The following CDC42BPA variants were observed in gnomAD, a reference collection of about 807,000 sequenced individuals.
CDC42BPA encodes serine/threonine-protein kinase MRCK alpha.
In CDC42BPA, 80 loss-of-function variants were observed where a neutral mutation model predicts 223.5. That is an observed-to-expected ratio of 0.36 (90% confidence interval 0.30 to 0.43). The LOEUF (loss-of-function observed/expected upper bound fraction) is 0.43, where lower values mean the gene tolerates loss of function less well. Among genes scored for constraint, CDC42BPA ranks in the 20% least tolerant of loss-of-function variants. CDC42BPA has a pLI of 1.00. For missense variants in CDC42BPA, 1,743 were observed against 2,099.9 expected (o/e 0.83, Z 3.32); for synonymous variants, 694 against 718.6 (o/e 0.97, Z 0.55).
chr1:227,070,727 T>C lies in CDC42BPA; in HGVS notation c.2828-874A>G, dbSNP rs963745713. 1.9e-4 allele frequency among the ~76,000 whole-genome samples: 29 copies of C among 151,844 alleles called. 1 individual carries two copies. Among genetic ancestry groups the C allele is most frequent in the Non-Finnish European group, 1.2e-4 (8 of 67,756 alleles). ...AACATCCTTGCCCTCATACTGTAAA[T>C]ATCACATTATATTACTGAAGTAGTA... On this transcript the variant is annotated intron_variant, in intron 20 of 36. Transcript: ENST00000366766.
chr1:227,244,500 G>GGGC (rs1680573684), intron 2 of CDC42BPA, among the ~76,000 whole-genome samples: 2 of 150,472 alleles, frequency 1.3e-5, no homozygotes, highest in Admixed American at 1.3e-4. Flanking sequence ...ATGGTGGGGG[G>GGGC]GGGCAATGGG....
chr1:227,102,942 C>CT (rs1208246436), intron 14 of CDC42BPA, among the ~76,000 whole-genome samples: 5 of 151,976 alleles, frequency 3.3e-5, no homozygotes, highest in African/African-American at 1.2e-4. Context: ...AAATACTACT[C>CT]TAAGTCCCAC....
intron 2 of CDC42BPA, chr1:227,234,233 CCTGCAGATAAA>C (rs1348836038): frequency 6.6e-6 from 1 of 152,030 alleles, no homozygotes; most frequent in Non-Finnish European, 1.5e-5. Flanking sequence ...AATTTCACAC[CCTGCAGATAAA>C]CTGTTGAGTC....
intron 34 of CDC42BPA, among the ~76,000 whole-genome samples, chr1:227,011,446 G>A (rs1186043531): frequency 6.6e-6 from 1 of 152,166 alleles, no homozygotes; most frequent in Non-Finnish European, 1.5e-5. Flanking sequence ...ACATGAACAA[G>A]TGAACCTACA....
chr1:227,033,939 G>A (rs149580881), intron 26 of CDC42BPA, among the ~76,000 whole-genome samples: 49 of 152,176 alleles, frequency 3.2e-4, no homozygotes, highest in Admixed American at 1.9e-3. Context: ...CCCTTAGTAG[G>A]TTCTATCAGA....
intron 1 of CDC42BPA, among the ~76,000 whole-genome samples, chr1:227,267,861 A>AG (rs1298981927): frequency 3.3e-5 from 5 of 152,058 alleles, no homozygotes; most frequent in Non-Finnish European, 4.4e-5. Context: ...CCTCAATACG[A>AG]GGGGGTAACA....
At chr1:227,277,894 C>A (rs1687378095) in intron 1 of CDC42BPA, among the ~76,000 whole-genome samples, 1 of 152,012 alleles carries the variant, frequency 6.6e-6, no homozygotes, top group Admixed American at 6.6e-5. Flanking sequence ...GGACTACAGG[C>A]ACCCGCCACG....
intron 14 of CDC42BPA, among the ~76,000 whole-genome samples, chr1:227,107,503 C>T (rs1024402638): frequency 2.0e-5 from 3 of 152,162 alleles, no homozygotes; most frequent in Non-Finnish European, 4.4e-5. Context: ...TCACTGAAGT[C>T]TCGACCTCCG....
chr1:227,016,014 T>C, intron 34 of CDC42BPA, 66 bp downstream of exon 34: 1 of 797,550 alleles, frequency 1.3e-6, no homozygotes. Flanking sequence ...CCCATGTATT[T>C]AAGCCTATGT....
intron 1 of CDC42BPA, among the ~76,000 whole-genome samples, chr1:227,262,370 TA>T (rs547859585): frequency 2.6e-4 from 38 of 148,612 alleles, no homozygotes; most frequent in East Asian, 3.9e-4. Flanking sequence ...TACTCAAACT[TA>T]AAAAAAAAAT....
chr1:227,117,804 G>C (rs1236061521), intron 12 of CDC42BPA, among the ~76,000 whole-genome samples: 2 of 151,360 alleles, frequency 1.3e-5, no homozygotes, highest in Non-Finnish European at 2.9e-5. Flanking sequence ...ACAAACCTAA[G>C]AACACTTTTT....
chr1:227,004,412 ATTGTT>A (rs1168448500), intron 35 of CDC42BPA: 2 of 157,838 alleles, frequency 1.3e-5, no homozygotes, highest in African/African-American at 4.8e-5. Flanking sequence ...AGCCCGCAGG[ATTGTT>A]TTAAGAATGT....
At chr1:227,123,481 T>C (rs758043776) in intron 11 of CDC42BPA, among the ~76,000 whole-genome samples, 1 of 152,124 alleles carries the variant, frequency 6.6e-6, no homozygotes, top group African/African-American at 2.4e-5. Context: ...ATATAAAACA[T>C]GGAATCTGTC....
intron 34 of CDC42BPA, among the ~76,000 whole-genome samples, chr1:227,005,931 G>A (rs1294748018): frequency 1.3e-5 from 2 of 152,180 alleles, no homozygotes; most frequent in African/African-American, 2.4e-5. Flanking sequence ...GTCTGATTAC[G>A]GTTGAGAACA....
At chr1:227,091,660 A>C (rs1287575386) in intron 16 of CDC42BPA, among the ~76,000 whole-genome samples, 1 of 152,358 alleles carries the variant, frequency 6.6e-6, no homozygotes, top group East Asian at 1.9e-4. Context: ...AGGCTCAAAA[A>C]AATATATGGG....
Position 227,213,205 on chromosome 1 carries a change from T to C in CDC42BPA, c.285A>G (p.Lys95=). The change falls in exon 3 of 37, where the codon AAA becomes AAG. Residue 95 remains lysine, a synonymous_variant. Transcript: ENST00000366766. The part of the protein sequence containing the change: ...RGAFGEVAVV[K]LKNADKVFAM... ...CAAACACTTTATCTGCATTTTTTAG[T>C]TTTACTACAGCAACCTAGAAAAGAT... 1 of 1,526,542 alleles carries C rather than the reference T, an allele frequency of 6.6e-7. No individual in the cohort carries two copies. The highest frequency in any genetic ancestry group is 1.2e-5 in the South Asian group (1 of 83,784). 94.6% of individuals were successfully genotyped at this position (1,526,542 alleles called of 1,614,324 possible).
At chr1:227,314,774 A>G (rs1258116099) in intron 1 of CDC42BPA, among the ~76,000 whole-genome samples, 2 of 151,880 alleles carry the variant, frequency 1.3e-5, no homozygotes, top group Non-Finnish European at 2.9e-5. Flanking sequence ...ATAAAAGACA[A>G]TATTTTTTCA....
At chr1:227,134,455 T>C (rs1011399831) in intron 10 of CDC42BPA, among the ~76,000 whole-genome samples, 2 of 152,206 alleles carry the variant, frequency 1.3e-5, no homozygotes, top group African/African-American at 4.8e-5. Context: ...ATACTGACCA[T>C]TTCACATTTT....
intron 6 of CDC42BPA, among the ~76,000 whole-genome samples, chr1:227,155,031 C>A (rs541303471): frequency 6.6e-6 from 1 of 151,924 alleles, no homozygotes; most frequent in Admixed American, 6.6e-5. Context: ...TGGTTTTGAC[C>A]GAGATATAAC....
Sources: gnomAD v4.1 joint callset for allele counts (sites outside exome capture counted in the v4.1 genomes callset) on GRCh38, gnomAD v4.1.1 for gene constraint, MANE v1.5 for transcripts, NCBI Gene and HGNC (gene_info 2026-07-23, HGNC 2026-07-21) for gene names.